Variants in TBC1D1 observed in about 807,000 individuals in gnomAD.
TBC1D1 encodes TBC1 (tre-2/USP6, BUB2, cdc16) domain family, member 1.
Under a neutral mutation model 125.6 loss-of-function variants are expected in TBC1D1, and 89 were observed. The ratio of observed to expected loss-of-function variants is 0.71; its 90% confidence interval spans 0.60 to 0.85. TBC1D1 has a LOEUF of 0.85. TBC1D1 is among the 40% of genes least tolerant of loss of function. TBC1D1 has a pLI of 0.00. For missense variants in TBC1D1, 1,377 were observed against 1,469.2 expected (o/e 0.94, Z 1.03); for synonymous variants, 565 against 564.1 (o/e 1.00, Z -0.02).
Position 38,137,478 on chromosome 4 carries a change from G to A in TBC1D1, c.*143G>A, listed in dbSNP as rs917296001. ...GGCTTGCCAGCAAGTAGATTCTTAC[G>A]AACTCCAACTTGCAATTCAGGGGGC... On this transcript the variant is annotated 3_prime_UTR_variant, in exon 20 of 20. Coordinates refer to ENST00000261439, the MANE Select transcript of TBC1D1 (RefSeq NM_015173.4). 55 of 1,218,846 alleles carry A rather than the reference G, an allele frequency of 4.5e-5. No individual in the cohort carries two copies. In the South Asian group the frequency reaches 4.6e-4, roughly 10 times the overall value. The allele number at this position is 1,218,846 out of a possible 1,614,324, so 75.5% of individuals were successfully genotyped here.
At chr4:38,064,733 C>T (rs767352129) in intron 12 of TBC1D1, among the ~76,000 whole-genome samples, 6 of 151,560 alleles carry the variant, frequency 4.0e-5, no homozygotes, top group Non-Finnish European at 8.8e-5. Context: ...AAGGAATTCT[C>T]CTGCCTCAGC....
intron 2 of TBC1D1, among the ~76,000 whole-genome samples, chr4:37,983,516 A>G (rs1442459011): frequency 6.6e-6 from 1 of 152,058 alleles, no homozygotes; most frequent in African/African-American, 2.4e-5. Flanking sequence ...TTCTTTAAAT[A>G]TACTTTATTT....
rs751739348 is a variant in TBC1D1 at position 38,135,918 on chromosome 4, G to GTATA, written c.3307-1216_3307-1215insATAT. On this transcript the variant is annotated intron_variant, in intron 19 of 19. Coordinates refer to ENST00000261439, the MANE Select transcript of TBC1D1 (RefSeq NM_015173.4). ...TGTGTGTGTGTATATATACGTGTGT[G>GTATA]TGTATATGTGTGTGTGTGTGTGTGT... 6.0e-5 allele frequency among the ~76,000 whole-genome samples: 7 copies of GTATA among 115,878 alleles called. No individual in the cohort carries two copies. The East Asian group carries it at 1.9e-3, about 31-fold the overall frequency. The allele number at this position is 115,878 out of a possible 152,430, so 76.0% of individuals were successfully genotyped here.
chr4:38,102,513 G>C (rs1412054650), intron 14 of TBC1D1, among the ~76,000 whole-genome samples: 1 of 152,014 alleles, frequency 6.6e-6, no homozygotes, highest in East Asian at 1.9e-4. Context: ...AGAATAGGGG[G>C]TGGAAGTAGG....
chr4:37,902,607 T>A (rs11931763), intron 2 of TBC1D1, 95 bp downstream of exon 2: 258,463 of 1,008,558 alleles, frequency 0.26, 37,682 homozygotes, highest in African/African-American at 0.56. Context: ...CTGAAATGAA[T>A]AAGGAATTAA....
chr4:38,103,112 T>G lies in TBC1D1; in HGVS notation c.2512T>G (p.Leu838Val). Residue 838 changes from leucine to valine, a missense_variant, in exon 15 of 20, where the codon TTA becomes GTA. Around this residue, in one of 3 missense-constraint regions of TBC1D1, gnomAD observed 543 missense variants for 613.5 expected, o/e 0.89. Transcript: ENST00000261439. ...AAAGGATGTGCCATACAAAGAACTC[T>G]TAAAGCAGCTGACTTCCCAGCAGCA... is the stretch of plus-strand genomic sequence containing the variant. 6.2e-7 allele frequency: 1 copy of G among 1,614,010 alleles called. No homozygotes were observed.
intron 2 of TBC1D1, among the ~76,000 whole-genome samples, chr4:37,998,369 C>G (rs2152400609): frequency 6.6e-6 from 1 of 152,324 alleles, no homozygotes; most frequent in Middle Eastern, 3.4e-3. Flanking sequence ...AGCCCATTCT[C>G]TCCCCAGCAG....
chr4:37,900,562 A>G (rs1483365802), intron 1 of TBC1D1, among the ~76,000 whole-genome samples: 1 of 152,164 alleles, frequency 6.6e-6, no homozygotes, highest in Non-Finnish European at 1.5e-5. Context: ...AGACAGATGC[A>G]ACGCCTGCCT....
rs1004929705 is a variant in TBC1D1, at chr4:37,993,890, G to A, written c.418-20619G>A. Among the ~76,000 whole-genome samples, 9 of 152,226 alleles carry A rather than the reference G, an allele frequency of 5.9e-5. No homozygotes were observed. The East Asian group carries it at 1.5e-3, about 26-fold the overall frequency. ...AGCCACCGCGCCCGGCCACAACAAA[G>A]CTTTGAGCACATTCCCAGCATCAGC... On this transcript the variant is annotated intron_variant, in intron 2 of 19. Coordinates refer to ENST00000261439, the MANE Select transcript of TBC1D1 (RefSeq NM_015173.4).
At chr4:38,010,419 T>TCA (rs1450125574) in intron 2 of TBC1D1, among the ~76,000 whole-genome samples, 3 of 152,198 alleles carry the variant, frequency 2.0e-5, no homozygotes, top group African/African-American at 7.2e-5. Flanking sequence ...GTCTTGGCAC[T>TCA]CCCTTCCTTT....
intron 1 of TBC1D1, among the ~76,000 whole-genome samples, chr4:37,893,100 G>GTTT (rs1713726330): frequency 6.6e-6 from 1 of 152,188 alleles, no homozygotes; most frequent in African/African-American, 2.4e-5. Flanking sequence ...AGCATCTTCA[G>GTTT]TTGTCTTGGT....
chr4:38,138,259 G>A lies in TBC1D1; in HGVS notation c.*924G>A, dbSNP rs1028307589. 6.6e-6 allele frequency: 1 copy of A among 152,214 alleles called. No homozygotes were observed. Among genetic ancestry groups the A allele is most frequent in the South Asian group, 2.1e-4 (1 of 4,826 alleles). 9.4% of individuals were successfully genotyped at this position (152,214 alleles called of 1,614,324 possible). A position where few individuals can be genotyped will look rare whatever the true frequency, so the allele number is the denominator to read the frequency against. ...AGACCCTACCAGGTATTGCTAGCAT[G>A]TGAGCTGCAGTTGTGGGGTCTGAGA... On this transcript the variant is annotated 3_prime_UTR_variant, in exon 20 of 20. Coordinates refer to ENST00000261439, the MANE Select transcript of TBC1D1 (RefSeq NM_015173.4).
At chr4:37,952,125 C>T (rs1365507829) in intron 2 of TBC1D1, 1 of 715,568 alleles carries the variant, frequency 1.4e-6, no homozygotes, top group Non-Finnish European at 2.6e-6. Flanking sequence ...GCTGCAAGGC[C>T]TGCAGTCATG....
At chr4:38,044,330 G>T (rs372586738) in intron 8 of TBC1D1, 32 bp from the exon 9 acceptor site, 247 of 1,581,480 alleles carry the variant, frequency 1.6e-4, no homozygotes, top group Middle Eastern at 3.4e-4. Flanking sequence ...AGAAGGGAGC[G>T]ATAAATGACT....
intron 12 of TBC1D1, among the ~76,000 whole-genome samples, chr4:38,057,756 T>A (rs560622571): frequency 1.3e-5 from 2 of 152,364 alleles, no homozygotes; most frequent in South Asian, 4.1e-4. Context: ...ATCGACATTT[T>A]TATGAAGCCC....
At chr4:37,945,436 C>T (rs996630320) in intron 2 of TBC1D1, among the ~76,000 whole-genome samples, 2 of 137,194 alleles carry the variant, frequency 1.5e-5, no homozygotes, top group Non-Finnish European at 3.1e-5. Context: ...TCACTTGAAC[C>T]TGGGAGGCGG....
intron 1 of TBC1D1, among the ~76,000 whole-genome samples, chr4:37,900,255 C>T (rs1289165165): frequency 6.6e-6 from 1 of 151,918 alleles, no homozygotes; most frequent in Admixed American, 6.6e-5. Context: ...GCAACTTTAA[C>T]AGAATTTCAG....
Position 38,018,403 on chromosome 4 carries a change from C to T in TBC1D1, c.932C>T (p.Ala311Val), listed in dbSNP as rs1340467939. The T allele has an allele frequency of 6.2e-7, 1 of 1,612,058 alleles. No homozygotes were observed. The highest frequency in any genetic ancestry group is 2.2e-5 in the East Asian group (1 of 44,746). Reference sequence around the variant, plus strand: ...ATCAGTCCTGACACCAAAAAAATAGCATTGGAGAAAAATTTTAAGGAGATA... The same window carrying T: ...ATCAGTCCTGACACCAAAAAAATAGTATTGGAGAAAAATTTTAAGGAGATA... Residue 311 changes from alanine to valine, a missense_variant, in exon 4 of 20, where the codon GCA (alanine) becomes GTA (valine). By Grantham distance (64) the Ala-to-Val change is moderately conservative (BLOSUM62 0). Around this residue, in one of 3 missense-constraint regions of TBC1D1, gnomAD observed 822 missense variants for 824.6 expected, o/e 1.00. Coordinates refer to ENST00000261439, the MANE Select transcript of TBC1D1 (RefSeq NM_015173.4).
chr4:38,125,042 C>T lies in TBC1D1; in HGVS notation c.3043C>T (p.Gln1015Ter), dbSNP rs769406595. The change falls in exon 18 of 20, where the codon CAG becomes TAG. Residue 1015 changes from glutamine (Q) to a stop codon, truncating the protein, a stop_gained. Transcript: ENST00000261439. LOFTEE classifies it high-confidence loss of function. ...GGGAAGCCATAAGCCCTTGATTCTGCAGCATGAAAACCTAGAAACCATAGT... is the reference window on the plus strand; with the variant it reads ...GGGAAGCCATAAGCCCTTGATTCTGTAGCATGAAAACCTAGAAACCATAGT... The T allele has an allele frequency of 1.9e-6, 3 of 1,614,090 alleles. No homozygotes were observed. The highest frequency in any genetic ancestry group is 2.5e-6 in the Non-Finnish European group (3 of 1,179,984).
Sources: gnomAD v4.1 joint callset for allele counts (sites outside exome capture counted in the v4.1 genomes callset) on GRCh38, gnomAD v4.1.1 for gene constraint, gnomAD v4.1.1 regional missense constraint, MANE v1.5 for transcripts, NCBI Gene and HGNC (gene_info 2026-07-23, HGNC 2026-07-21) for gene names.